The following MYO9B variants were observed in gnomAD, a reference collection of about 807,000 sequenced individuals.
MYO9B encodes unconventional myosin-IXb.
MYO9B carries 71 observed loss-of-function variants against 229.5 expected under a neutral mutation model. The ratio of observed to expected loss-of-function variants is 0.31; its 90% confidence interval spans 0.26 to 0.38. The LOEUF is 0.38. Among genes scored for constraint, MYO9B ranks in the 10% least tolerant of loss-of-function variants. MYO9B has a pLI of 1.00. For missense variants in MYO9B, 2,255 were observed against 2,920.5 expected (o/e 0.77, Z 5.25); for synonymous variants, 1,185 against 1,235.8 (o/e 0.96, Z 0.86).
In MYO9B at chr19:17,212,363, T is replaced by A. The variant is rs544897772; in HGVS notation, c.*53T>A. Reference sequence around the variant, plus strand: ...CCGAGGACGGCCCCTGCACTGGAGCTGGGCGCCAGAGCTGCAGAGCTAGTG... The same window carrying A: ...CCGAGGACGGCCCCTGCACTGGAGCAGGGCGCCAGAGCTGCAGAGCTAGTG... On this transcript the variant is annotated 3_prime_UTR_variant, in exon 40 of 40. Transcript: ENST00000682292. The surrounding 1 kb of genome is among the most constrained non-coding windows in gnomAD (Gnocchi z 5.4). 193 of 1,409,766 alleles carry A rather than the reference T, an allele frequency of 1.4e-4. No homozygotes were observed. The highest frequency in any genetic ancestry group is 1.8e-4 in the Non-Finnish European group (190 of 1,082,440). 87.3% of individuals were successfully genotyped at this position (1,409,766 alleles called of 1,614,324 possible). A position where few individuals can be genotyped will look rare whatever the true frequency, so the allele number is the denominator to read the frequency against.
intron 1 of MYO9B, among the ~76,000 whole-genome samples, chr19:17,078,420 G>C (rs531442931): frequency 7.9e-5 from 12 of 152,114 alleles, no homozygotes; most frequent in Non-Finnish European, 1.8e-4. Flanking sequence ...TGCGCCTGTA[G>C]TCCCAGCTAC....
intron 8 of MYO9B, among the ~76,000 whole-genome samples, chr19:17,161,949 G>A (rs2072607518): frequency 6.7e-6 from 1 of 149,706 alleles, no homozygotes; most frequent in South Asian, 2.1e-4. Flanking sequence ...GATTGCGCTA[G>A]TGCACTTCAG....
intron 24 of MYO9B, among the ~76,000 whole-genome samples, chr19:17,199,585 C>G (rs1319612086): frequency 6.6e-6 from 1 of 151,968 alleles, no homozygotes; most frequent in Non-Finnish European, 1.5e-5. Context: ...TCAATCTCCG[C>G]TCACTGCAGC....
intron 19 of MYO9B, among the ~76,000 whole-genome samples, chr19:17,188,369 C>T (rs3826694): frequency 0.53 from 78,253 of 147,040 alleles, 22,441 homozygotes; most frequent in East Asian, 0.74. Flanking sequence ...GCAGAGGTTG[C>T]AGTGAGCCAA....
chr19:17,127,532 T>C (rs1332126846), intron 2 of MYO9B, among the ~76,000 whole-genome samples: 1 of 152,202 alleles, frequency 6.6e-6, no homozygotes, highest in Non-Finnish European at 1.5e-5. Context: ...TTTCACCATG[T>C]TGGCCAGGCT....
intron 1 of MYO9B, among the ~76,000 whole-genome samples, chr19:17,078,889 A>G (rs781544584): frequency 6.6e-6 from 1 of 152,174 alleles, no homozygotes; most frequent in Non-Finnish European, 1.5e-5. Context: ...GACTTCAGAG[A>G]TGGTTCCTTG....
intron 36 of MYO9B, 140 bp from the exon 37 acceptor site, chr19:17,210,193 T>G: frequency 1.3e-6 from 1 of 758,310 alleles, no homozygotes; most frequent in South Asian, 2.1e-5. Context: ...AGTGCAGGGG[T>G]GTGTTAGTGG....
intron 18 of MYO9B, among the ~76,000 whole-genome samples, chr19:17,186,916 C>T (rs1436153450): frequency 2.0e-5 from 3 of 151,912 alleles, no homozygotes; most frequent in Admixed American, 1.3e-4. Flanking sequence ...TTAGTAGAGA[C>T]GGGGTTTCAC....
chr19:17,097,429 T>G (rs1419777407), intron 1 of MYO9B, among the ~76,000 whole-genome samples: 1 of 152,122 alleles, frequency 6.6e-6, no homozygotes, highest in African/African-American at 2.4e-5. Flanking sequence ...CAAAGCTTTA[T>G]CTCATGACCT....
rs1599411230 is a variant in MYO9B at position 17,192,317 on chromosome 19, G to C, written c.2812-429G>C. Among the ~76,000 whole-genome samples, 6 of 150,658 alleles carry C rather than the reference G, an allele frequency of 4.0e-5. No individual in the cohort carries two copies. The South Asian group carries it at 1.3e-3, about 31-fold the overall frequency. On this transcript the variant is annotated intron_variant, in intron 20 of 39. Transcript: ENST00000682292. ...AAAAAAAAAGGGGGGGCCACAGCCA[G>C]GTGCAGTGGCTCATGCCTGTAATCC...
chr19:17,185,613 T>C (rs2072910911), intron 17 of MYO9B, among the ~76,000 whole-genome samples: 1 of 151,306 alleles, frequency 6.6e-6, no homozygotes, highest in Non-Finnish European at 1.5e-5. Context: ...GGTTGACACA[T>C]GTTTCAAATC....
intron 2 of MYO9B, among the ~76,000 whole-genome samples, chr19:17,143,981 G>A (rs1437761517): frequency 6.6e-6 from 1 of 152,070 alleles, no homozygotes; most frequent in African/African-American, 2.4e-5. Context: ...GTACCTGGGT[G>A]ACAAAATAAT....
In MYO9B at chr19:17,183,981, C is replaced by T. The variant is rs2072889708; in HGVS notation, c.2373+113C>T. 4.7e-6 allele frequency: 5 copies of T among 1,056,606 alleles called. No homozygotes were observed. In the Admixed American group the frequency reaches 8.1e-5, roughly 17 times the overall value. 65.5% of individuals were successfully genotyped at this position (1,056,606 alleles called of 1,614,324 possible). ...TTTCCTCCTCCTTCCCACTATCTCCCCCTCCCTCCAAGAAAAAAAAAATGT... is the reference window on the plus strand; with the variant it reads ...TTTCCTCCTCCTTCCCACTATCTCCTCCTCCCTCCAAGAAAAAAAAAATGT... On this transcript the variant is annotated intron_variant, in intron 16 of 39. Transcript: ENST00000682292.
rs1437659948 is a variant in MYO9B at position 17,194,686 on chromosome 19, G to A, written c.3259G>A (p.Gly1087Arg). The A allele has an allele frequency of 6.2e-7, 1 of 1,612,916 alleles. No individual in the cohort carries two copies. Among genetic ancestry groups the A allele is most frequent in the East Asian group, 2.2e-5 (1 of 44,888 alleles). The change falls in exon 22 of 40, where the codon GGG becomes AGG. Residue 1087 changes from glycine (G) to arginine (R), a missense_variant. Gly to Arg is a moderately radical substitution (Grantham distance 125). Transcript: ENST00000682292. ...TGGAGGGCAGCAGGTAGCTGAGCAGGGGCCGGAGCCAGCGGAGGATGGCGG... is the reference window on the plus strand; with the variant it reads ...TGGAGGGCAGCAGGTAGCTGAGCAGAGGCCGGAGCCAGCGGAGGATGGCGG... The part of the protein sequence containing the change: ...AAGGQQVAEQ[G>R]PEPAEDGGHL...
At position 17,205,216 on chromosome 19, in the gene MYO9B, T is replaced by G. The variant is rs560941625; in HGVS notation, c.4991-47T>G. The G allele has an allele frequency of 3.9e-5, 61 of 1,547,772 alleles. 1 individual carries two copies. The South Asian group carries it at 6.6e-4, about 17-fold the overall frequency. On this transcript the variant is annotated intron_variant, in intron 30 of 39. Transcript: ENST00000682292. ...AGCTGGGTGGGTGGCTGCAGGAATC[T>G]GGGGTCCCCAGCACCCTCTGTGACT...
chr19:17,210,310 C>T lies in MYO9B; in HGVS notation c.5749-23C>T, dbSNP rs1231921647. ...GTGTCTGTCTTGGCCCGTGTGGTCA[C>T]CCTGTGTTCATCTCTCTCCCAGCCA... On this transcript the variant is annotated intron_variant, in intron 36 of 39. Transcript: ENST00000682292. The T allele has an allele frequency of 3.2e-6, 5 of 1,583,060 alleles. No individual in the cohort carries two copies. The African/African-American group carries it at 4.0e-5, about 13-fold the overall frequency.
intron 13 of MYO9B, among the ~76,000 whole-genome samples, chr19:17,174,877 T>A (rs916236063): frequency 3.3e-5 from 5 of 151,578 alleles, no homozygotes; most frequent in African/African-American, 1.2e-4. Flanking sequence ...GAGGTTGCAG[T>A]GAGCCAAGAT....
At chr19:17,164,111 A>T (rs1398309708) in intron 10 of MYO9B, among the ~76,000 whole-genome samples, 3 of 152,158 alleles carry the variant, frequency 2.0e-5, no homozygotes, top group Admixed American at 6.6e-5. Context: ...GTTGTTGCAC[A>T]CCCAGCCCAA....
chr19:17,171,417 C>A (rs2072723804), intron 11 of MYO9B, among the ~76,000 whole-genome samples: 2 of 152,116 alleles, frequency 1.3e-5, no homozygotes, highest in African/African-American at 4.8e-5. Context: ...AGGAGAAGGA[C>A]CCCCTGTCCA....
Sources: allele counts gnomAD v4.1 joint callset (sites outside exome capture counted in the v4.1 genomes callset), GRCh38; gene constraint gnomAD v4.1.1; non-coding constraint Gnocchi (gnomAD v3.1); transcripts MANE v1.5; gene names NCBI Gene and HGNC (gene_info 2026-07-23, HGNC 2026-07-21).